Variants in CXXC5 observed in about 807,000 individuals in gnomAD.
The protein encoded by CXXC5 is CXXC finger protein 5, also known as CXXC-type zinc finger protein 5.
CXXC5 carries 2 observed loss-of-function variants against 17.6 expected under a neutral mutation model. The ratio of observed to expected loss-of-function variants is 0.11; its 90% CI spans 0.05 to 0.36. CXXC5 has a LOEUF of 0.36. Ranked by LOEUF, CXXC5 falls within the 10% of genes least tolerant of loss-of-function variation. CXXC5 has a pLI of 1.00. For missense variants in CXXC5, 343 were observed against 458.3 expected, an observed-to-expected ratio of 0.75 and a Z score of 2.30; for synonymous variants, 171 against 193.0, an observed-to-expected ratio of 0.89 and a Z score of 0.94.
intron 1 of CXXC5, among the ~76,000 whole-genome samples, chr5:139,674,926 C>T (rs947511166): frequency 2.0e-5 from 3 of 152,244 alleles, no homozygotes; most frequent in African/African-American, 7.2e-5. Flanking sequence ...CTCACATCTT[C>T]TTCCCCACCT....
At chr5:139,672,792 G>T (rs774731059) in intron 1 of CXXC5, among the ~76,000 whole-genome samples, 2 of 152,120 alleles carry the variant, frequency 1.3e-5, no homozygotes, top group Non-Finnish European at 2.9e-5. Context: ...GAAAGAGCTT[G>T]GTCAAAGTCA....
chr5:139,649,986 C>A (rs1002280319), intron 1 of CXXC5, among the ~76,000 whole-genome samples: 4 of 152,208 alleles, frequency 2.6e-5, no homozygotes, highest in Non-Finnish European at 2.9e-5. Context: ...GTAGGATCGA[C>A]GGAAAGCGAG....
rs1305756170 is a variant in CXXC5, at chr5:139,656,615, CAGTG to C, written c.-161+7772_-161+7775del. Among the ~76,000 whole-genome samples the C allele has an allele frequency of 9.1e-4, 138 of 152,348 alleles. 1 individual carries two copies. The highest frequency in any genetic ancestry group is 3.1e-3 in the African/African-American group (128 of 41,574). On this transcript the variant is annotated intron_variant, in intron 1 of 2. Coordinates refer to ENST00000302517, the MANE Select transcript of CXXC5 (RefSeq NM_016463.9). ...TTGCCAGCCTTGCAATGGGATATGG[CAGTG>C]ATTACTTCTTGTACCCCCAGTGCCT...
chr5:139,666,916 A>G (rs1351771529), intron 1 of CXXC5, among the ~76,000 whole-genome samples: 1 of 152,128 alleles, frequency 6.6e-6, no homozygotes, highest in Non-Finnish European at 1.5e-5. Context: ...ACAGGAGATG[A>G]TATTTGTGAG....
At chr5:139,655,900 G>T (rs1258425647) in intron 1 of CXXC5, among the ~76,000 whole-genome samples, 2 of 152,206 alleles carry the variant, frequency 1.3e-5, no homozygotes, top group African/African-American at 4.8e-5. Flanking sequence ...GGCCTCCCAG[G>T]AATGTGGCTG....
chr5:139,666,127 C>T lies in CXXC5; in HGVS notation c.-160-14237C>T, dbSNP rs137900073. ...AGGCTCAGAGAGGGTGGGCCTTGCC[C>T]GGCTTCTCAGCAGTGTCCTCCAGCA... On this transcript the variant is annotated intron_variant, in intron 1 of 2. Coordinates refer to ENST00000302517, the MANE Select transcript of CXXC5 (RefSeq NM_016463.9). Among the ~76,000 whole-genome samples, 12 of 152,310 alleles carry T rather than the reference C, an allele frequency of 7.9e-5. No homozygotes were observed. In the East Asian group the frequency reaches 1.4e-3, roughly 17 times the overall value.
rs965590774 is a variant in CXXC5 at position 139,678,921 on chromosome 5, G to A, written c.-160-1443G>A. Among the ~76,000 whole-genome samples, 10 of 152,206 alleles carry A rather than the reference G, an allele frequency of 6.6e-5. No individual in the cohort carries two copies. In the South Asian group the frequency reaches 1.0e-3, roughly 16 times the overall value. ...GACAGGGAAGCAAGGCTGGAGAGCCGGGACTGATGAGGAAACCGCCGCCTT... is the reference window on the plus strand; with the variant it reads ...GACAGGGAAGCAAGGCTGGAGAGCCAGGACTGATGAGGAAACCGCCGCCTT... On this transcript the variant is annotated intron_variant, in intron 1 of 2. Coordinates refer to ENST00000302517, the MANE Select transcript of CXXC5 (RefSeq NM_016463.9).
chr5:139,650,338 A>G (rs1466283398), intron 1 of CXXC5, among the ~76,000 whole-genome samples: 1 of 151,506 alleles, frequency 6.6e-6, no homozygotes, highest in Non-Finnish European at 1.5e-5. Flanking sequence ...CAGACTCCTG[A>G]CCCCCACCTT....
intron 1 of CXXC5, among the ~76,000 whole-genome samples, chr5:139,671,704 G>C (rs1756481592): frequency 1.3e-5 from 2 of 152,230 alleles, no homozygotes; most frequent in Non-Finnish European, 2.9e-5. Flanking sequence ...CCAGGGCCTT[G>C]GGGTACAGCT....
intron 1 of CXXC5, among the ~76,000 whole-genome samples, chr5:139,665,418 T>C (rs6580190): frequency 0.89 from 135,323 of 152,324 alleles, 60,626 homozygotes; most frequent in African/African-American, 0.97. Context: ...ACCTCCTTGC[T>C]GGAATGCTCT....
In CXXC5 at chr5:139,648,505, C is replaced by G. The variant is rs940293241; in HGVS notation, c.-501C>G. 2 of 152,604 alleles carry G rather than the reference C, an allele frequency of 1.3e-5. No individual in the cohort carries two copies. The highest frequency in any genetic ancestry group is 4.8e-5 in the African/African-American group (2 of 41,420). 9.5% of individuals were successfully genotyped at this position (152,604 alleles called of 1,614,324 possible). A position where few individuals can be genotyped will look rare whatever the true frequency, so the allele number is the denominator to read the frequency against. On this transcript the variant is annotated 5_prime_UTR_variant, in exon 1 of 3. Coordinates refer to ENST00000302517, the MANE Select transcript of CXXC5 (RefSeq NM_016463.9). The stretch of plus-strand genomic sequence containing the variant: ...CCGCGTCCCAGCCCTGCCCAGCCCG[C>G]GCCCAGCCATGCGCGCCGCCTGCTG...
Position 139,672,073 on chromosome 5 carries a change from A to C in CXXC5, c.-160-8291A>C, listed in dbSNP as rs542344267. On this transcript the variant is annotated intron_variant, in intron 1 of 2. Coordinates refer to ENST00000302517, the MANE Select transcript of CXXC5 (RefSeq NM_016463.9). ...AGTGCCTGGTGGACAGTGAGTGTGCATTATTAGGACCTGCTGTTTATTTTT... is the reference window on the plus strand; with the variant it reads ...AGTGCCTGGTGGACAGTGAGTGTGCCTTATTAGGACCTGCTGTTTATTTTT... Among the ~76,000 whole-genome samples, 5 of 152,306 alleles carry C rather than the reference A, an allele frequency of 3.3e-5. No individual in the cohort carries two copies. The East Asian group carries it at 7.7e-4, about 23-fold the overall frequency.
chr5:139,681,344 A>G lies in CXXC5; in HGVS notation c.821A>G (p.Asn274Ser). Residue 274 changes from asparagine to serine, a missense_variant, in exon 2 of 3, where the codon AAC becomes AGC. This residue lies in a region of CXXC5 where 21 missense variants were observed against 41.0 expected (regional missense o/e 0.51). Coordinates refer to ENST00000302517, the MANE Select transcript of CXXC5 (RefSeq NM_016463.9). ...GMCAPCRRRINCEQCSSCRNR... is the reference protein window; with the variant it reads ...GMCAPCRRRISCEQCSSCRNR... ...TGCGCGCCCTGCCGGCGGCGCATCA[A>G]CTGCGAGCAGTGCAGCAGTTGTAGG... is the stretch of plus-strand genomic sequence containing the variant. The G allele has an allele frequency of 6.2e-7, 1 of 1,612,418 alleles. No homozygotes were observed. The highest frequency in any genetic ancestry group is 8.5e-7 in the Non-Finnish European group (1 of 1,179,570).
At chr5:139,656,991 C>T (rs1295994691) in intron 1 of CXXC5, among the ~76,000 whole-genome samples, 4 of 152,242 alleles carry the variant, frequency 2.6e-5, no homozygotes, top group Non-Finnish European at 5.9e-5. Context: ...TCCCGAAGTG[C>T]TGGGATTACA....
At chr5:139,677,111 C>A (rs982299817) in intron 1 of CXXC5, among the ~76,000 whole-genome samples, 1 of 152,084 alleles carries the variant, frequency 6.6e-6, no homozygotes, top group Non-Finnish European at 1.5e-5. Context: ...GCGCTGGCTC[C>A]GCATTGCTGA....
At chr5:139,679,310 G>A (rs1048055931) in intron 1 of CXXC5, among the ~76,000 whole-genome samples, 2 of 152,252 alleles carry the variant, frequency 1.3e-5, no homozygotes, top group African/African-American at 4.8e-5. Context: ...GGTCTGAGAC[G>A]ATAATGATTG....
Position 139,663,328 on chromosome 5 carries a change from C to G in CXXC5, c.-161+14483C>G, listed in dbSNP as rs1353850359. On this transcript the variant is annotated intron_variant, in intron 1 of 2. Transcript: ENST00000302517. The surrounding 1 kb of genome is among the most constrained non-coding windows in gnomAD (Gnocchi z 4.2). ...AGGGACTTCCAGGTGGCAAATGGAG[C>G]CTTTGCAGGGTGGCGAGAGGCTTGG... Among the ~76,000 whole-genome samples the G allele has an allele frequency of 6.6e-6, 1 of 152,108 alleles. No homozygotes were observed. Among genetic ancestry groups the G allele is most frequent in the African/African-American group, 2.4e-5 (1 of 41,394 alleles).
rs550047371 is a variant in CXXC5, at chr5:139,670,274, G to T, written c.-160-10090G>T. On this transcript the variant is annotated intron_variant, in intron 1 of 2. Transcript: ENST00000302517. This position sits in a 1 kb window ranked among gnomAD's most constrained non-coding sequence, Gnocchi z 4.2. ...GTTTTCCAGTTTTTTCCACGCTCAG[G>T]CCAGGCAGGCGGGTAGACACTGGCC... Among the ~76,000 whole-genome samples, 1 of 152,364 alleles carries T rather than the reference G, an allele frequency of 6.6e-6. No homozygotes were observed. The highest frequency in any genetic ancestry group is 1.5e-5 in the Non-Finnish European group (1 of 68,036).
chr5:139,653,139 C>A (rs990187109), intron 1 of CXXC5, among the ~76,000 whole-genome samples: 1 of 152,238 alleles, frequency 6.6e-6, no homozygotes, highest in African/African-American at 2.4e-5. Context: ...CACCCCTTCC[C>A]TCCCCAGCAG....
Sources: gnomAD v4.1 joint callset for allele counts (sites outside exome capture counted in the v4.1 genomes callset) on GRCh38, gnomAD v4.1.1 for gene constraint, gnomAD v4.1.1 regional missense constraint, Gnocchi (gnomAD v3.1) non-coding constraint, MANE v1.5 for transcripts, NCBI Gene and HGNC (gene_info 2026-07-23, HGNC 2026-07-21) for gene names.